The following ATRNL1 variants were observed in gnomAD, a reference collection of about 807,000 sequenced individuals.
The protein encoded by ATRNL1 is attractin like 1.
A neutral mutation model predicts 182.7 loss-of-function variants in ATRNL1; 95 were observed. That is an observed-to-expected ratio of 0.52 (90% CI 0.44 to 0.62). ATRNL1 has a LOEUF of 0.62. Ranked by LOEUF, ATRNL1 falls within the 20% of genes least tolerant of loss-of-function variation. The pLI, the probability that ATRNL1 is intolerant of heterozygous loss-of-function variation, is 0.00. For missense variants in ATRNL1, 1,471 were observed against 1,679.5 expected (o/e 0.88, Z 2.17); for synonymous variants, 576 against 568.3 (o/e 1.01, Z -0.19).
At chr10:115,794,565 A>G (rs1385593819) in intron 27 of ATRNL1, among the ~76,000 whole-genome samples, 1 of 152,142 alleles carries the variant, frequency 6.6e-6, no homozygotes, top group Non-Finnish European at 1.5e-5. Flanking sequence ...ATTATTTTAT[A>G]ATGGATTTTA....
At chr10:115,768,873 C>T (rs1010558700) in intron 27 of ATRNL1, among the ~76,000 whole-genome samples, 1 of 152,002 alleles carries the variant, frequency 6.6e-6, no homozygotes, top group Non-Finnish European at 1.5e-5. Flanking sequence ...CCACAAAAGA[C>T]ACTTCCTATA....
At chr10:115,336,040 C>T (rs1387955063) in intron 19 of ATRNL1, among the ~76,000 whole-genome samples, 10 of 152,084 alleles carry the variant, frequency 6.6e-5, no homozygotes, top group Non-Finnish European at 4.4e-5. Flanking sequence ...TCCTAGGCAC[C>T]GTACTAATAG....
intron 19 of ATRNL1, among the ~76,000 whole-genome samples, chr10:115,362,159 T>C (rs1340984685): frequency 1.3e-5 from 2 of 152,044 alleles, no homozygotes; most frequent in Admixed American, 1.3e-4. Context: ...ATCTAGGGCT[T>C]TTTTGTGAGA....
chr10:115,112,211 A>G (rs1844288033), intron 1 of ATRNL1, among the ~76,000 whole-genome samples: 1 of 152,240 alleles, frequency 6.6e-6, no homozygotes, highest in African/African-American at 2.4e-5. Context: ...GAGTATTGTT[A>G]AAATGTCTAT....
intron 9 of ATRNL1, among the ~76,000 whole-genome samples, chr10:115,229,055 C>T (rs1171600017): frequency 6.6e-6 from 1 of 152,010 alleles, no homozygotes; most frequent in Non-Finnish European, 1.5e-5. Context: ...GCATGAGCCA[C>T]CATGCTTGCC....
intron 19 of ATRNL1, among the ~76,000 whole-genome samples, chr10:115,346,859 C>T (rs1451683070): frequency 4.6e-5 from 7 of 151,982 alleles, no homozygotes; most frequent in Non-Finnish European, 8.8e-5. Flanking sequence ...TCCTTTAAAA[C>T]GCAAAAGTTT....
At chr10:115,888,364 C>T (rs1419038585) in intron 28 of ATRNL1, among the ~76,000 whole-genome samples, 3 of 152,070 alleles carry the variant, frequency 2.0e-5, no homozygotes, top group African/African-American at 7.2e-5. Flanking sequence ...TATCTGGCAC[C>T]CCATTAGAGT....
At chr10:115,134,242 C>CCAGGAG (rs1554876006) in intron 5 of ATRNL1, among the ~76,000 whole-genome samples, 2 of 151,518 alleles carry the variant, frequency 1.3e-5, no homozygotes, top group Non-Finnish European at 3.0e-5. Flanking sequence ...ATCAGTGAAT[C>CCAGGAG]CAGGAGCTGG....
chr10:115,213,659 G>T (rs782772094), intron 8 of ATRNL1, among the ~76,000 whole-genome samples: 17 of 151,908 alleles, frequency 1.1e-4, no homozygotes, highest in Non-Finnish European at 2.4e-4. Flanking sequence ...ACACTATCTT[G>T]TTCCACTTAT....
intron 28 of ATRNL1, among the ~76,000 whole-genome samples, chr10:115,876,857 T>C (rs1389567150): frequency 6.6e-6 from 1 of 152,224 alleles, no homozygotes; most frequent in Non-Finnish European, 1.5e-5. Context: ...ATCAGAGAAA[T>C]GTTGTGACAG....
At chr10:115,214,282 A>C (rs1592270476) in intron 8 of ATRNL1, among the ~76,000 whole-genome samples, 1 of 147,236 alleles carries the variant, frequency 6.8e-6, no homozygotes, top group East Asian at 2.0e-4. Flanking sequence ...AAGGAAATGA[A>C]TAAAACTATG....
intron 19 of ATRNL1, among the ~76,000 whole-genome samples, chr10:115,386,343 C>T (rs559762586): frequency 2.0e-5 from 3 of 152,260 alleles, no homozygotes; most frequent in East Asian, 3.9e-4. Context: ...GCTCCTTTCA[C>T]GGGGGCACCA....
chr10:115,783,731 G>A (rs375501152), intron 27 of ATRNL1, among the ~76,000 whole-genome samples: 12 of 152,124 alleles, frequency 7.9e-5, no homozygotes, highest in Admixed American at 3.3e-4. Flanking sequence ...AAAGTGATTC[G>A]GGGCCGGGCG....
At chr10:115,527,212 A>G (rs1488128049) in intron 25 of ATRNL1, among the ~76,000 whole-genome samples, 2 of 149,196 alleles carry the variant, frequency 1.3e-5, no homozygotes, top group Non-Finnish European at 3.0e-5. Context: ...TCTGCCTCCC[A>G]GGCTCAAGCG....
Position 115,208,195 on chromosome 10 carries a change from ATTAC to A in ATRNL1, c.1349-7499_1349-7496del, listed in dbSNP as rs1253766250. 1.1e-4 allele frequency among the ~76,000 whole-genome samples: 16 copies of A among 152,092 alleles called. No individual in the cohort carries two copies. The East Asian group carries it at 1.9e-3, about 18-fold the overall frequency. On this transcript the variant is annotated intron_variant, in intron 8 of 28. Coordinates refer to ENST00000355044, the MANE Select transcript of ATRNL1 (RefSeq NM_207303.4). The stretch of plus-strand genomic sequence containing the variant: ...TCTATTAGTTTCTAAAATTTTTGCT[ATTAC>A]TTGTTATCATATTCATGTTTTCTGC...
At chr10:115,220,181 T>C (rs1763477845) in intron 9 of ATRNL1, among the ~76,000 whole-genome samples, 1 of 152,210 alleles carries the variant, frequency 6.6e-6, no homozygotes, top group South Asian at 2.1e-4. Flanking sequence ...TACAAATGTC[T>C]TCAGCAATAG....
intron 20 of ATRNL1, among the ~76,000 whole-genome samples, chr10:115,396,896 A>G (rs782430236): frequency 2.0e-5 from 3 of 151,968 alleles, no homozygotes; most frequent in African/African-American, 4.8e-5. Flanking sequence ...AAATATTAGA[A>G]AATCAATCAT....
intron 26 of ATRNL1, among the ~76,000 whole-genome samples, chr10:115,600,497 A>G (rs1358622808): frequency 6.6e-6 from 1 of 152,056 alleles, no homozygotes; most frequent in African/African-American, 2.4e-5. Flanking sequence ...TTGTTGGCTA[A>G]TGGTATTGAA....
chr10:115,227,448 T>C (rs1849746575), intron 9 of ATRNL1, among the ~76,000 whole-genome samples: 1 of 152,136 alleles, frequency 6.6e-6, no homozygotes, highest in Non-Finnish European at 1.5e-5. Context: ...GAAAAGTGAA[T>C]GCTTAGACAT....
Sources: gnomAD v4.1 joint callset for allele counts (sites outside exome capture counted in the v4.1 genomes callset) on GRCh38, gnomAD v4.1.1 for gene constraint, MANE v1.5 for transcripts, NCBI Gene and HGNC (gene_info 2026-07-23, HGNC 2026-07-21) for gene names.